PLEKHG1: variants seen among roughly 807,000 people sequenced by gnomAD.
The protein encoded by PLEKHG1 is pleckstrin homology domain-containing family G member 1.
In PLEKHG1, 44 loss-of-function variants were observed where a neutral mutation model predicts 100.8. The observed-to-expected ratio is 0.44, with a 90% confidence interval of 0.34 to 0.56. The LOEUF (loss-of-function observed/expected upper bound fraction) is 0.56, where lower values mean the gene tolerates loss of function less well. Among genes scored for constraint, PLEKHG1 ranks in the 20% least tolerant of loss-of-function variants. PLEKHG1 has a pLI of 0.01. For missense variants in PLEKHG1, 1,545 were observed against 1,720.9 expected (o/e 0.90, Z 1.81); for synonymous variants, 640 against 662.5 (o/e 0.97, Z 0.52).
At chr6:150,828,508 T>C (rs1055065932) in intron 14 of PLEKHG1, 32 of 822,498 alleles carry the variant, frequency 3.9e-5, no homozygotes, top group Admixed American at 6.7e-5. Context: ...TTCAAATCTT[T>C]ACATTTTGGA....
intron 7 of PLEKHG1, among the ~76,000 whole-genome samples, chr6:150,805,861 G>A (rs936858543): frequency 6.6e-6 from 1 of 152,134 alleles, no homozygotes; most frequent in East Asian, 1.9e-4. Context: ...AGAGAAGTTT[G>A]CTAAAGGCCT....
intron 2 of PLEKHG1, among the ~76,000 whole-genome samples, chr6:150,750,599 T>C (rs994104515): frequency 2.0e-5 from 3 of 150,752 alleles, no homozygotes; most frequent in East Asian, 2.0e-4. Flanking sequence ...GCTAAAACGG[T>C]GAAACCCCGT....
At chr6:150,614,452 T>C (rs1776977557) in intron 1 of PLEKHG1, among the ~76,000 whole-genome samples, 2 of 152,220 alleles carry the variant, frequency 1.3e-5, no homozygotes, top group Admixed American at 6.5e-5. Flanking sequence ...GTAATAATAA[T>C]GGAGAAAGTG....
intron 1 of PLEKHG1, among the ~76,000 whole-genome samples, chr6:150,621,735 G>A: frequency 6.6e-6 from 1 of 152,164 alleles, no homozygotes; most frequent in Non-Finnish European, 1.5e-5. Context: ...TACTAAATGA[G>A]TGTAGATGAT....
chr6:150,733,950 A>C (rs773817897), exon 2 of PLEKHG1: 3 of 1,614,220 alleles, frequency 1.9e-6, no homozygotes, highest in Middle Eastern at 1.6e-4. Flanking sequence ...CCCAGAGCGC[A>C]GTGGAGAGTG....
At chr6:150,659,575 G>T (rs568475229) in intron 3 of PLEKHG1, among the ~76,000 whole-genome samples, 2 of 152,230 alleles carry the variant, frequency 1.3e-5, no homozygotes, top group Non-Finnish European at 2.9e-5. Flanking sequence ...GCCCTTGGCA[G>T]ACTGTCAAAT....
chr6:150,631,048 G>A (rs942727447), intron 1 of PLEKHG1, among the ~76,000 whole-genome samples: 1 of 152,110 alleles, frequency 6.6e-6, no homozygotes, highest in African/African-American at 2.4e-5. Flanking sequence ...TTCTTAGAAG[G>A]GAATGCTAAA....
In PLEKHG1 at chr6:150,721,215, G is replaced by A. The variant is rs115460840; in HGVS notation, c.-99+15G>A. On this transcript the variant is annotated intron_variant, in intron 1 of 15. Transcript: ENST00000358517. ...GTGGAGCAGAGGTAGGTGCTAATGTGAGTGTCCCCAAAGAAAGGATGCAGG... is the reference window on the plus strand; with the variant it reads ...GTGGAGCAGAGGTAGGTGCTAATGTAAGTGTCCCCAAAGAAAGGATGCAGG... The A allele has an allele frequency of 7.4e-5, 72 of 975,468 alleles. No individual in the cohort carries two copies. The African/African-American group carries it at 1.2e-3, about 16-fold the overall frequency. The allele number at this position is 975,468 out of a possible 1,614,324, so 60.4% of individuals were successfully genotyped here.
At chr6:150,800,460 C>T (rs1172231442) in intron 5 of PLEKHG1, among the ~76,000 whole-genome samples, 4 of 152,130 alleles carry the variant, frequency 2.6e-5, no homozygotes, top group African/African-American at 9.7e-5. Context: ...GGCACAAGGC[C>T]GCGTCTCCTA....
chr6:150,817,554 A>ATTT (rs774464059), intron 10 of PLEKHG1, among the ~76,000 whole-genome samples: 21 of 115,562 alleles, frequency 1.8e-4, no homozygotes, highest in African/African-American at 6.0e-4. Flanking sequence ...AAGAATCTGC[A>ATTT]TTTTTTTTTT....
chr6:150,828,180 G>T, intron 14 of PLEKHG1: 1 of 1,613,852 alleles, frequency 6.2e-7, no homozygotes. Flanking sequence ...CCTGGAAGGA[G>T]ATATCAAGGC....
At chr6:150,822,697 A>G (rs1776373426) in intron 13 of PLEKHG1, among the ~76,000 whole-genome samples, 1 of 152,202 alleles carries the variant, frequency 6.6e-6, no homozygotes, top group South Asian at 2.1e-4. Flanking sequence ...AAAGTGAAAC[A>G]GGCTGGGCGT....
At chr6:150,688,733 A>G (rs1015377165) in intron 3 of PLEKHG1, among the ~76,000 whole-genome samples, 1 of 152,208 alleles carries the variant, frequency 6.6e-6, no homozygotes, top group African/African-American at 2.4e-5. Flanking sequence ...AAGTAAAAAC[A>G]TAGTAAAAAC....
intron 2 of PLEKHG1, among the ~76,000 whole-genome samples, chr6:150,767,014 A>T (rs542330715): frequency 2.0e-5 from 3 of 152,022 alleles, no homozygotes; most frequent in Non-Finnish European, 2.9e-5. Context: ...TATGCCCTCC[A>T]AAATGTCCAG....
In PLEKHG1 at chr6:150,831,277, A is replaced by C; in HGVS notation, c.2166A>C (p.Ser722=). The change falls in exon 15 of 16, where the codon TCA becomes TCC. Residue 722 remains serine, a synonymous_variant. Transcript: ENST00000358517. This position sits in a 1 kb window ranked among gnomAD's most constrained non-coding sequence, Gnocchi z 4.1. ...ACGCACAAACAGATGGCACCCTCTC[A>C]GGTGGAGAGGCATCCAGCCAAAGCA... The C allele has an allele frequency of 6.2e-7, 1 of 1,613,538 alleles. No homozygotes were observed. Among genetic ancestry groups the C allele is most frequent in the East Asian group, 2.2e-5 (1 of 44,868 alleles).
chr6:150,646,083 G>GTA (rs1324800672), intron 2 of PLEKHG1, among the ~76,000 whole-genome samples: 1 of 152,134 alleles, frequency 6.6e-6, no homozygotes, highest in African/African-American at 2.4e-5. Flanking sequence ...AATGACACGG[G>GTA]TATATCTCAC....
In PLEKHG1 at chr6:150,662,024, G is replaced by A. The variant is rs192207532; in HGVS notation, c.-99+11238G>A. Among the ~76,000 whole-genome samples the A allele has an allele frequency of 8.5e-5, 13 of 152,282 alleles. No individual in the cohort carries two copies. In the East Asian group the frequency reaches 2.3e-3, roughly 27 times the overall value. On this transcript the variant is annotated intron_variant, in intron 3 of 3. Transcript: ENST00000367326. The stretch of plus-strand genomic sequence containing the variant: ...ACAGTCAGAATGAGGGCCTGAGGGA[G>A]GGGAGGGAGAGGCGGATAGTTCAGA...
At chr6:150,605,355 G>C (rs758772174) in intron 1 of PLEKHG1, among the ~76,000 whole-genome samples, 2 of 152,202 alleles carry the variant, frequency 1.3e-5, no homozygotes, top group Non-Finnish European at 2.9e-5. Flanking sequence ...CTGAGCTCTA[G>C]TTCTTTGTTT....
At chr6:150,724,752 G>T (rs899760688) in intron 1 of PLEKHG1, among the ~76,000 whole-genome samples, 2 of 151,758 alleles carry the variant, frequency 1.3e-5, no homozygotes, top group African/African-American at 4.8e-5. Context: ...TAGAGACGGG[G>T]GTTTCATCAT....
Sources: gnomAD v4.1 joint callset for allele counts (sites outside exome capture counted in the v4.1 genomes callset) on GRCh38, gnomAD v4.1.1 for gene constraint, Gnocchi (gnomAD v3.1) non-coding constraint, MANE v1.5 for transcripts, NCBI Gene and HGNC (gene_info 2026-07-23, HGNC 2026-07-21) for gene names.